Variants in MAP3K2 observed in about 807,000 individuals in gnomAD.
The protein encoded by MAP3K2 is mitogen-activated protein kinase kinase kinase 2.
In MAP3K2, 24 loss-of-function variants were observed where a neutral mutation model predicts 80.3. That is an observed-to-expected ratio of 0.30 (90% CI 0.22 to 0.42). The LOEUF is 0.42. Among genes scored for constraint, MAP3K2 ranks in the 10% least tolerant of loss-of-function variants. MAP3K2 has a pLI of 1.00. For missense variants in MAP3K2, 608 were observed against 750.1 expected (o/e 0.81, Z 2.21); for synonymous variants, 244 against 253.7 (o/e 0.96, Z 0.36).
chr2:127,376,691 C>T (rs1687158248), intron 1 of MAP3K2, among the ~76,000 whole-genome samples: 1 of 152,164 alleles, frequency 6.6e-6, no homozygotes, highest in Non-Finnish European at 1.5e-5. Flanking sequence ...GCAAAACATA[C>T]ACCTTCTGTT....
At chr2:127,354,114 G>A (rs1314845490) in intron 1 of MAP3K2, among the ~76,000 whole-genome samples, 2 of 151,674 alleles carry the variant, frequency 1.3e-5, no homozygotes, top group Admixed American at 6.6e-5. Flanking sequence ...GTGGAAGGCC[G>A]CAGGGTCCTC....
intron 4 of MAP3K2, among the ~76,000 whole-genome samples, chr2:127,337,067 G>A (rs753138223): frequency 2.0e-5 from 3 of 152,056 alleles, no homozygotes; most frequent in East Asian, 1.9e-4. Context: ...GCTTGAACCC[G>A]GGAGGTGGAG....
chr2:127,328,413 C>A (rs1347003320), intron 7 of MAP3K2, among the ~76,000 whole-genome samples: 1 of 152,100 alleles, frequency 6.6e-6, no homozygotes, highest in Non-Finnish European at 1.5e-5. Context: ...TATAAATGTA[C>A]AATAAGCTTT....
At chr2:127,375,406 A>ATTTTT (rs200517629) in intron 1 of MAP3K2, among the ~76,000 whole-genome samples, 1 of 140,320 alleles carries the variant, frequency 7.1e-6, no homozygotes, top group African/African-American at 2.7e-5. Flanking sequence ...ATTATTATTT[A>ATTTTT]TTTATTTATT....
In MAP3K2 at chr2:127,305,227, G is replaced by A. The variant is rs1450778512; in HGVS notation, c.*2352C>T. 2.0e-5 allele frequency: 3 copies of A among 152,512 alleles called. No individual in the cohort carries two copies. Among genetic ancestry groups the A allele is most frequent in the Non-Finnish European group, 4.4e-5 (3 of 68,000 alleles). The allele number at this position is 152,512 out of a possible 1,614,324, so 9.4% of individuals were successfully genotyped here. A position where few individuals can be genotyped will look rare whatever the true frequency, so the allele number is the denominator to read the frequency against. On this transcript the variant is annotated 3_prime_UTR_variant, in exon 17 of 17. Transcript: ENST00000682094. ...ACAACTACACAAGACAGATATGAAGGAAAAGCCCACTGGTCAAGGACCATG... is the reference window on the plus strand; with the variant it reads ...ACAACTACACAAGACAGATATGAAGAAAAAGCCCACTGGTCAAGGACCATG...
chr2:127,320,204 T>G (rs1381617634), intron 12 of MAP3K2, among the ~76,000 whole-genome samples: 1 of 152,050 alleles, frequency 6.6e-6, no homozygotes, highest in Non-Finnish European at 1.5e-5. Flanking sequence ...GAAGGGAAAT[T>G]TAAAATAACT....
chr2:127,312,372 G>C (rs1203967415), intron 15 of MAP3K2, among the ~76,000 whole-genome samples: 1 of 152,020 alleles, frequency 6.6e-6, no homozygotes, highest in Non-Finnish European at 1.5e-5. Context: ...TGACTTCACG[G>C]GTCTAAATTG....
Position 127,387,836 on chromosome 2 carries a change from C to G in MAP3K2, c.-450G>C. Reference sequence around the variant, plus strand: ...AGTGGCGACTCTGCGGACAGGGGCGCCGAGCGTCCTGGTCGTTGTTTTCGT... The same window carrying G: ...AGTGGCGACTCTGCGGACAGGGGCGGCGAGCGTCCTGGTCGTTGTTTTCGT... On this transcript the variant is annotated 5_prime_UTR_variant, in exon 1 of 17. Transcript: ENST00000682094. 6.1e-6 allele frequency: 6 copies of G among 984,956 alleles called. No homozygotes were observed. The highest frequency in any genetic ancestry group is 7.2e-6 in the Non-Finnish European group (6 of 829,734). The allele number at this position is 984,956 out of a possible 1,614,324, so 61.0% of individuals were successfully genotyped here.
chr2:127,349,337 G>A (rs1558984304), intron 1 of MAP3K2, among the ~76,000 whole-genome samples: 1 of 151,746 alleles, frequency 6.6e-6, no homozygotes, highest in Non-Finnish European at 1.5e-5. Context: ...TTTTGTTTTT[G>A]TTTTTGTTTT....
Position 127,301,300 on chromosome 2 carries a change from G to A in MAP3K2, c.*6279C>T, listed in dbSNP as rs200700509. 2 of 152,310 alleles carry A rather than the reference G, an allele frequency of 1.3e-5. No homozygotes were observed. Among genetic ancestry groups the A allele is most frequent in the East Asian group, 1.9e-4 (1 of 5,182 alleles). The allele number at this position is 152,310 out of a possible 1,614,324, so 9.4% of individuals were successfully genotyped here. A position where few individuals can be genotyped will look rare whatever the true frequency, so the allele number is the denominator to read the frequency against. On this transcript the variant is annotated 3_prime_UTR_variant, in exon 17 of 17. Coordinates refer to ENST00000682094, the MANE Select transcript of MAP3K2 (RefSeq NM_001371910.2). ...TCGCCATCAACCTGAGGCATCAGACGTTAATGTCTGTCTATGTGAATCAGT... is the reference window on the plus strand; with the variant it reads ...TCGCCATCAACCTGAGGCATCAGACATTAATGTCTGTCTATGTGAATCAGT...
chr2:127,363,196 C>T lies in MAP3K2; in HGVS notation c.-65-20002G>A, dbSNP rs540625172. 2.3e-4 allele frequency among the ~76,000 whole-genome samples: 35 copies of T among 152,104 alleles called. No homozygotes were observed. In the South Asian group the frequency reaches 7.1e-3, roughly 31 times the overall value. ...GGGAGTCGAGGTTCTGGAACCAATC[C>T]CCCGCAGATACCAAGGGATGACTGT... On this transcript the variant is annotated intron_variant, in intron 1 of 16. Coordinates refer to ENST00000682094, the MANE Select transcript of MAP3K2 (RefSeq NM_001371910.2).
At chr2:127,324,979 T>G (rs1686102932) in intron 9 of MAP3K2, among the ~76,000 whole-genome samples, 1 of 152,186 alleles carries the variant, frequency 6.6e-6, no homozygotes, top group African/African-American at 2.4e-5. Context: ...GGCTACAATT[T>G]CCAAGAATTT....
intron 1 of MAP3K2, among the ~76,000 whole-genome samples, chr2:127,380,258 T>C (rs1042578225): frequency 1.3e-5 from 2 of 152,226 alleles, no homozygotes; most frequent in African/African-American, 2.4e-5. Flanking sequence ...TAGTGCAATG[T>C]GGCAAGTACA....
chr2:127,388,357 G>A (rs556704811), upstream of MAP3K2: 6 of 985,508 alleles, frequency 6.1e-6, no homozygotes, highest in South Asian at 2.8e-4. Context: ...AGCAGAGCTA[G>A]CAGAGGCAGT....
At chr2:127,345,104 T>G (rs531679317) in intron 1 of MAP3K2, among the ~76,000 whole-genome samples, 2 of 152,194 alleles carry the variant, frequency 1.3e-5, no homozygotes, top group African/African-American at 2.4e-5. Context: ...TCCTCCCAGT[T>G]TGGCCTCCCT....
chr2:127,375,034 G>A (rs942975478), intron 1 of MAP3K2, among the ~76,000 whole-genome samples: 1 of 152,142 alleles, frequency 6.6e-6, no homozygotes, highest in African/African-American at 2.4e-5. Context: ...AAAGCACTTT[G>A]CTAAAACCTC....
intron 1 of MAP3K2, among the ~76,000 whole-genome samples, chr2:127,385,901 A>T (rs1042403170): frequency 1.3e-5 from 2 of 152,226 alleles, no homozygotes; most frequent in African/African-American, 4.8e-5. Context: ...CAATCCAATT[A>T]TTTAAGATAA....
chr2:127,355,961 C>A (rs972228211), intron 1 of MAP3K2, among the ~76,000 whole-genome samples: 6 of 152,132 alleles, frequency 3.9e-5, no homozygotes, highest in Admixed American at 2.6e-4. Context: ...TAGATTCCAT[C>A]TCAAGAAGCC....
chr2:127,325,592 G>A, intron 9 of MAP3K2, 136 bp downstream of exon 9: 1 of 617,040 alleles, frequency 1.6e-6, no homozygotes, highest in Non-Finnish European at 2.9e-6. Flanking sequence ...GGGGTCAGAG[G>A]TGGGAGGACT....
Sources: allele counts gnomAD v4.1 joint callset (sites outside exome capture counted in the v4.1 genomes callset), GRCh38; gene constraint gnomAD v4.1.1; transcripts MANE v1.5; gene names NCBI Gene and HGNC (gene_info 2026-07-23, HGNC 2026-07-21).